The following LSM14A variants were observed in gnomAD, a reference collection of about 807,000 sequenced individuals.
LSM14A encodes the protein protein LSM14 homolog A.
Under a neutral mutation model 52.4 loss-of-function variants are expected in LSM14A, and 14 were observed. That is an observed-to-expected ratio of 0.27 (90% confidence interval 0.18 to 0.42). The LOEUF (loss-of-function observed/expected upper bound fraction) is 0.42, where lower values mean the gene tolerates loss of function less well. Ranked by LOEUF, LSM14A falls within the 10% of genes least tolerant of loss-of-function variation. LSM14A has a pLI of 1.00. For synonymous variants in LSM14A, 185 were observed against 200.3 expected (o/e 0.92, Z 0.64); for missense variants, 417 against 581.8 (o/e 0.72, Z 2.91).
At chr19:34,224,730 G>A (rs2073251200) in intron 9 of LSM14A, among the ~76,000 whole-genome samples, 1 of 152,142 alleles carries the variant, frequency 6.6e-6, no homozygotes, top group African/African-American at 2.4e-5. Context: ...CTGCCTCATG[G>A]TTATCTCACA....
intron 3 of LSM14A, among the ~76,000 whole-genome samples, chr19:34,205,888 C>T (rs1431554037): frequency 1.3e-5 from 2 of 151,688 alleles, no homozygotes; most frequent in African/African-American, 4.8e-5. Context: ...TGATAAGTCC[C>T]TAACAAAACT....
intron 1 of LSM14A, among the ~76,000 whole-genome samples, chr19:34,187,373 G>A (rs962235429): frequency 1.3e-5 from 2 of 152,048 alleles, no homozygotes; most frequent in South Asian, 4.1e-4. Context: ...CCGCTTCTGG[G>A]GTTCAGGCAA....
rs1223919335 is a variant in LSM14A, at chr19:34,196,758, G to A, written c.410G>A (p.Gly137Asp). The part of the protein sequence containing the change: ...SLVGQQFGAV[G>D]VAGSSLTSFG... ...GTTGGGCAGCAGTTTGGTGCTGTTG[G>A]TGTTGGTATGTTTTCTTTTTCTTTT... The change falls in exon 3 of 10, where the codon GGT becomes GAT. Residue 137 changes from glycine to aspartate, a missense_variant. Physicochemically the swap from Gly to Asp is moderately conservative, Grantham distance 94. Around this residue, in one of 2 missense-constraint regions of LSM14A, gnomAD observed 357 missense variants for 457.0 expected, o/e 0.78. Coordinates refer to ENST00000544216, the MANE Select transcript of LSM14A (RefSeq NM_015578.4). 2 of 1,597,972 alleles carry A rather than the reference G, an allele frequency of 1.3e-6. No individual in the cohort carries two copies. Among genetic ancestry groups the A allele is most frequent in the South Asian group, 1.1e-5 (1 of 86,986 alleles).
chr19:34,192,155 G>A (rs949479440), intron 1 of LSM14A, among the ~76,000 whole-genome samples: 3 of 151,944 alleles, frequency 2.0e-5, no homozygotes, highest in African/African-American at 7.3e-5. Context: ...TGATTTTAGG[G>A]ATATTTTAAC....
intron 9 of LSM14A, among the ~76,000 whole-genome samples, 189 bp from the exon 10 acceptor site, chr19:34,227,176 A>G (rs1316355564): frequency 6.6e-6 from 1 of 152,252 alleles, no homozygotes; most frequent in African/African-American, 2.4e-5. Flanking sequence ...GATGCAGTCA[A>G]CAATGAGGTA....
At chr19:34,209,796 C>T (rs1182186475) in intron 4 of LSM14A, among the ~76,000 whole-genome samples, 1 of 151,588 alleles carries the variant, frequency 6.6e-6, no homozygotes, top group Non-Finnish European at 1.5e-5. Context: ...CTTGGCCTCC[C>T]CAAAGTGTTG....
At chr19:34,200,686 A>AT (rs1383811459) in intron 3 of LSM14A, among the ~76,000 whole-genome samples, 2 of 152,206 alleles carry the variant, frequency 1.3e-5, no homozygotes, top group Non-Finnish European at 2.9e-5. Flanking sequence ...TTAAAAATTA[A>AT]TTCCTTTTAG....
intron 6 of LSM14A, among the ~76,000 whole-genome samples, chr19:34,219,122 A>G (rs2072883216): frequency 6.6e-6 from 1 of 152,236 alleles, no homozygotes; most frequent in Admixed American, 6.5e-5. Flanking sequence ...GCCTGGCTGT[A>G]TACTCTGTCA....
chr19:34,179,742 T>TA (rs2069342399), intron 1 of LSM14A, among the ~76,000 whole-genome samples: 2 of 152,204 alleles, frequency 1.3e-5, no homozygotes, highest in Non-Finnish European at 1.5e-5. Flanking sequence ...GCATGATACA[T>TA]AGCAGGAGTT....
At chr19:34,206,451 G>A (rs1007820208) in intron 3 of LSM14A, among the ~76,000 whole-genome samples, 10 of 151,730 alleles carry the variant, frequency 6.6e-5, no homozygotes, top group Non-Finnish European at 1.5e-4. Context: ...GGCAGATCAC[G>A]AGGTCAGGAG....
At chr19:34,200,470 G>A (rs993078136) in intron 3 of LSM14A, among the ~76,000 whole-genome samples, 1 of 152,078 alleles carries the variant, frequency 6.6e-6, no homozygotes, top group African/African-American at 2.4e-5. Flanking sequence ...TTTGTTTGGG[G>A]GAGGTGGTTT....
At chr19:34,190,263 G>GA (rs1225666030) in intron 1 of LSM14A, among the ~76,000 whole-genome samples, 1 of 151,966 alleles carries the variant, frequency 6.6e-6, no homozygotes, top group East Asian at 1.9e-4. Context: ...CTATTGCATT[G>GA]AAAACCCCAA....
chr19:34,217,220 T>G (rs2072678254), intron 6 of LSM14A, among the ~76,000 whole-genome samples: 1 of 140,484 alleles, frequency 7.1e-6, no homozygotes, highest in Admixed American at 7.6e-5. Context: ...ATCGTACCAC[T>G]GCACTCCAGC....
rs550298559 is a variant in LSM14A at position 34,186,456 on chromosome 19, C to G, written c.122-8022C>G. ...GGCCTTTAATAGAACAAAGACTGAC[C>G]CCTGAGCAAGGAGTTCTGCCAGCCT... On this transcript the variant is annotated intron_variant, in intron 1 of 9. Coordinates refer to ENST00000544216, the MANE Select transcript of LSM14A (RefSeq NM_015578.4). 1.7e-4 allele frequency among the ~76,000 whole-genome samples: 26 copies of G among 152,246 alleles called. No individual in the cohort carries two copies. The South Asian group carries it at 5.2e-3, about 30-fold the overall frequency.
At chr19:34,223,965 A>C (rs1401430573) in intron 9 of LSM14A, among the ~76,000 whole-genome samples, 1 of 152,202 alleles carries the variant, frequency 6.6e-6, no homozygotes, top group African/African-American at 2.4e-5. Context: ...CCTCTTCTGC[A>C]GTATCTCTTA....
chr19:34,199,303 G>C (rs544488540), intron 3 of LSM14A, among the ~76,000 whole-genome samples: 1 of 151,790 alleles, frequency 6.6e-6, no homozygotes, highest in African/African-American at 2.4e-5. Context: ...TTTTTCTTTT[G>C]TATTTTTTGT....
intron 8 of LSM14A, among the ~76,000 whole-genome samples, chr19:34,221,148 TC>T (rs1432171410): frequency 6.7e-6 from 1 of 150,080 alleles, no homozygotes; most frequent in Non-Finnish European, 1.5e-5. Context: ...AGTGGCTCGA[TC>T]TCGACTCACT....
In LSM14A at chr19:34,227,451, T is replaced by G; in HGVS notation, c.*63T>G. On this transcript the variant is annotated 3_prime_UTR_variant, in exon 10 of 10. Coordinates refer to ENST00000544216, the MANE Select transcript of LSM14A (RefSeq NM_015578.4). ...CTCTTCATGGTCCTGAACATTGATTTCAGTCTTTGCAAAGAATGAAGAAGT... is the reference window on the plus strand; with the variant it reads ...CTCTTCATGGTCCTGAACATTGATTGCAGTCTTTGCAAAGAATGAAGAAGT... 3 of 1,263,702 alleles carry G rather than the reference T, an allele frequency of 2.4e-6. No individual in the cohort carries two copies. The highest frequency in any genetic ancestry group is 3.3e-6 in the Non-Finnish European group (3 of 906,430). 78.3% of individuals were successfully genotyped at this position (1,263,702 alleles called of 1,614,324 possible).
At chr19:34,220,472 T>A (rs190177816) in intron 8 of LSM14A, among the ~76,000 whole-genome samples, 76 of 152,336 alleles carry the variant, frequency 5.0e-4, no homozygotes, top group Non-Finnish European at 8.2e-4. Context: ...ACCGAAGTGC[T>A]AATCTACTTT....
Sources: gnomAD v4.1 joint callset for allele counts (sites outside exome capture counted in the v4.1 genomes callset) on GRCh38, gnomAD v4.1.1 for gene constraint, gnomAD v4.1.1 regional missense constraint, MANE v1.5 for transcripts, NCBI Gene and HGNC (gene_info 2026-07-23, HGNC 2026-07-21) for gene names.